Variants in UBA6 observed in about 807,000 individuals in gnomAD.
The protein encoded by UBA6 is ubiquitin-like modifier-activating enzyme 6.
A neutral mutation model predicts 148.3 loss-of-function variants in UBA6; 87 were observed. The ratio of observed to expected loss-of-function variants is 0.59; its 90% CI spans 0.49 to 0.70. UBA6 has a LOEUF of 0.70. UBA6 is among the 30% of genes least tolerant of loss of function. The pLI, the probability that UBA6 is intolerant of heterozygous loss-of-function variation, is 0.00. For synonymous variants in UBA6, 376 were observed against 401.0 expected (o/e 0.94, Z 0.75); for missense variants, 1,186 against 1,241.2 (o/e 0.96, Z 0.67).
At position 67,618,945 on chromosome 4, in the gene UBA6, T is replaced by C. The variant is rs1728689244; in HGVS notation, c.*52A>G. 1.9e-6 allele frequency: 3 copies of C among 1,569,954 alleles called. No individual in the cohort carries two copies. In the African/African-American group the frequency reaches 4.1e-5, roughly 21 times the overall value. On this transcript the variant is annotated 3_prime_UTR_variant, in exon 33 of 33. Transcript: ENST00000322244. ...GATTTTCTTTAGCTTCTGAATTAAG[T>C]GCACTCTTTCCAAAATCAAGTGGTC...
chr4:67,650,348 C>G (rs1729523879), intron 13 of UBA6, among the ~76,000 whole-genome samples: 2 of 152,034 alleles, frequency 1.3e-5, no homozygotes, highest in South Asian at 4.1e-4. Context: ...AATGGTGAAG[C>G]CAGGATCTGG....
At chr4:67,670,377 A>G (rs918866584) in intron 8 of UBA6, 93 bp downstream of exon 8, 7 of 1,077,346 alleles carry the variant, frequency 6.5e-6, no homozygotes, top group Non-Finnish European at 8.1e-6. Context: ...AATTTTGCAC[A>G]CTGCAATACT....
chr4:67,695,318 C>T (rs1221173816), intron 2 of UBA6, among the ~76,000 whole-genome samples: 2 of 152,202 alleles, frequency 1.3e-5, no homozygotes, highest in African/African-American at 2.4e-5. Flanking sequence ...AGCTTGCTCT[C>T]ATTTCAGAGA....
At chr4:67,695,561 A>C (rs962691580) in intron 2 of UBA6, among the ~76,000 whole-genome samples, 2 of 90,428 alleles carry the variant, frequency 2.2e-5, no homozygotes, top group Non-Finnish European at 5.3e-5. Context: ...CACTCCTATC[A>C]AAAAAATGTA....
intron 20 of UBA6, 50 bp from the exon 21 acceptor site, chr4:67,634,568 T>C (rs760347009): frequency 4.6e-6 from 6 of 1,298,732 alleles, no homozygotes; most frequent in Non-Finnish European, 6.3e-6. Flanking sequence ...CAATGACCAA[T>C]TTTTATTGAT....
intron 2 of UBA6, among the ~76,000 whole-genome samples, chr4:67,696,181 G>A (rs1443136761): frequency 6.6e-6 from 1 of 152,042 alleles, no homozygotes. Context: ...TGACTAAAGT[G>A]AAATATTATT....
At chr4:67,658,799 T>G (rs1209024176) in intron 13 of UBA6, among the ~76,000 whole-genome samples, 3 of 152,332 alleles carry the variant, frequency 2.0e-5, no homozygotes, top group East Asian at 3.9e-4. Flanking sequence ...TCCATTTATA[T>G]GACATTCTAG....
chr4:67,645,918 C>T lies in UBA6; in HGVS notation c.1395+20G>A. On this transcript the variant is annotated intron_variant, in intron 16 of 32. Coordinates refer to ENST00000322244, the MANE Select transcript of UBA6 (RefSeq NM_018227.6). ...CGATAGCAGTTTGAACATACTATTC[C>T]CATGATTATTGATACTTACTAAGAA... 2 of 1,477,312 alleles carry T rather than the reference C, an allele frequency of 1.4e-6. No individual in the cohort carries two copies. The highest frequency in any genetic ancestry group is 9.3e-7 in the Non-Finnish European group (1 of 1,073,286). The allele number at this position is 1,477,312 out of a possible 1,614,324, so 91.5% of individuals were successfully genotyped here.
chr4:67,651,552 A>C (rs371524882), intron 13 of UBA6, among the ~76,000 whole-genome samples: 3 of 152,164 alleles, frequency 2.0e-5, no homozygotes, highest in African/African-American at 7.2e-5. Context: ...CCAGTGAACA[A>C]AGTAAGAGCC....
At chr4:67,693,148 CT>C (rs1730735334) in intron 2 of UBA6, among the ~76,000 whole-genome samples, 1 of 152,114 alleles carries the variant, frequency 6.6e-6, no homozygotes, top group Non-Finnish European at 1.5e-5. Flanking sequence ...TCTGCCACCC[CT>C]AAGACAACAA....
At position 67,644,795 on chromosome 4, in the gene UBA6, T is replaced by C; in HGVS notation, c.1396-17A>G. 1 of 1,419,868 alleles carries C rather than the reference T, an allele frequency of 7.0e-7. No individual in the cohort carries two copies. Among genetic ancestry groups the C allele is most frequent in the Non-Finnish European group, 1.0e-6 (1 of 1,004,358 alleles). The allele number at this position is 1,419,868 out of a possible 1,614,324, so 88.0% of individuals were successfully genotyped here. ...ACACCCTACCTATGGAGGAGAAAAA[T>C]GGTATATATCAGATTAAAATAACCT... On this transcript the variant is annotated splice_polypyrimidine_tract_variant and intron_variant, in intron 16 of 32. Transcript: ENST00000322244.
intron 13 of UBA6, 26 bp from the exon 14 acceptor site, chr4:67,649,237 T>C (rs754580584): frequency 3.8e-6 from 6 of 1,592,366 alleles, no homozygotes; most frequent in Non-Finnish European, 5.1e-6. Context: ...TAAAAGACAA[T>C]AACATTAACA....
chr4:67,627,408 A>C (rs1160942606), intron 27 of UBA6, among the ~76,000 whole-genome samples: 1 of 151,922 alleles, frequency 6.6e-6, no homozygotes, highest in Non-Finnish European at 1.5e-5. Context: ...TTCATGTTAA[A>C]ACTGTAGTTA....
chr4:67,682,051 A>G lies in UBA6; in HGVS notation c.229+68T>C, dbSNP rs948459821. 14 of 1,174,088 alleles carry G rather than the reference A, an allele frequency of 1.2e-5. No homozygotes were observed. The African/African-American group carries it at 1.8e-4, about 15-fold the overall frequency. 72.7% of individuals were successfully genotyped at this position (1,174,088 alleles called of 1,614,324 possible). A position where few individuals can be genotyped will look rare whatever the true frequency, so the allele number is the denominator to read the frequency against. ...CTTTATAGGAAATATAAGGGGATGAAGTTAAGTTATTTAAACTATCTTCAT... is the reference window on the plus strand; with the variant it reads ...CTTTATAGGAAATATAAGGGGATGAGGTTAAGTTATTTAAACTATCTTCAT... On this transcript the variant is annotated intron_variant, in intron 3 of 32. Coordinates refer to ENST00000322244, the MANE Select transcript of UBA6 (RefSeq NM_018227.6).
intron 17 of UBA6, among the ~76,000 whole-genome samples, chr4:67,641,697 C>T (rs559283253): frequency 5.9e-5 from 9 of 151,310 alleles, no homozygotes; most frequent in African/African-American, 1.7e-4. Context: ...AGGCATGCTG[C>T]CTATTTTTGT....
At chr4:67,665,119 A>G (rs1322861702) in intron 10 of UBA6, 70 bp downstream of exon 10, 3 of 825,828 alleles carry the variant, frequency 3.6e-6, no homozygotes, top group Non-Finnish European at 5.7e-6. Context: ...TTAACTGAGT[A>G]GTTATTTGTC....
intron 30 of UBA6, 78 bp downstream of exon 30, chr4:67,624,048 C>T (rs1428482452): frequency 2.4e-6 from 3 of 1,245,492 alleles, no homozygotes; most frequent in East Asian, 5.1e-5. Context: ...AGAGGTGAAG[C>T]TAGTATTTTT....
At chr4:67,639,236 A>G in intron 18 of UBA6, 112 bp from the exon 19 acceptor site, 1 of 764,996 alleles carries the variant, frequency 1.3e-6, no homozygotes, top group Non-Finnish European at 2.0e-6. Context: ...TAGTCCATAC[A>G]TATATAATGA....
intron 2 of UBA6, 105 bp from the exon 3 acceptor site, chr4:67,682,318 A>C (rs1730462997): frequency 2.6e-6 from 2 of 770,996 alleles, no homozygotes; most frequent in Non-Finnish European, 4.3e-6. Flanking sequence ...TCCGGCCCAC[A>C]GACTTGTTAT....
Sources: allele counts gnomAD v4.1 joint callset (sites outside exome capture counted in the v4.1 genomes callset), GRCh38; gene constraint gnomAD v4.1.1; transcripts MANE v1.5; gene names NCBI Gene and HGNC (gene_info 2026-07-23, HGNC 2026-07-21).